ANKRD12: variants seen among roughly 807,000 people sequenced by gnomAD.
ANKRD12 encodes the protein ankyrin repeat domain-containing protein 12.
A neutral mutation model predicts 183.4 loss-of-function variants in ANKRD12; 85 were observed. That is an observed-to-expected ratio of 0.46 (90% CI 0.39 to 0.56). ANKRD12 has a LOEUF of 0.56. Among genes scored for constraint, ANKRD12 ranks in the 20% least tolerant of loss-of-function variants. ANKRD12 has a pLI of 0.00. For synonymous variants in ANKRD12, 914 were observed against 800.2 expected, an observed-to-expected ratio of 1.14 and a Z score of -2.40; for missense variants, 2,405 against 2,357.1, an observed-to-expected ratio of 1.02 and a Z score of -0.42.
chr18:9,261,477 A>C (rs2038962414), intron 9 of ANKRD12, among the ~76,000 whole-genome samples: 1 of 152,220 alleles, frequency 6.6e-6, no homozygotes, highest in Non-Finnish European at 1.5e-5. Flanking sequence ...AAGATTGTAA[A>C]GAATTGTAAG....
intron 1 of ANKRD12, among the ~76,000 whole-genome samples, chr18:9,167,244 TTC>T (rs527245779): frequency 0.013 from 2,034 of 152,322 alleles, 51 homozygotes; most frequent in African/African-American, 0.047. Flanking sequence ...TTTTTTCCAA[TTC>T]TGTGAAGAAA....
At chr18:9,168,685 A>G (rs1235399694) in intron 1 of ANKRD12, among the ~76,000 whole-genome samples, 13 of 151,894 alleles carry the variant, frequency 8.6e-5, no homozygotes, top group African/African-American at 2.7e-4. Context: ...TGGATTCATT[A>G]ATTTTTTGAA....
At chr18:9,280,650 G>A (rs1162053849) in intron 12 of ANKRD12, among the ~76,000 whole-genome samples, 5 of 152,116 alleles carry the variant, frequency 3.3e-5, no homozygotes, top group African/African-American at 1.2e-4. Flanking sequence ...TTAGCTGGGC[G>A]TGGTGGCACA....
chr18:9,256,125 A>G lies in ANKRD12; in HGVS notation c.2858A>G (p.Glu953Gly). 1 of 1,559,896 alleles carries G rather than the reference A, an allele frequency of 6.4e-7. No homozygotes were observed. Among genetic ancestry groups the G allele is most frequent in the East Asian group, 2.3e-5 (1 of 43,840 alleles). ...YSKSEKGKNK[E>G]KDRELDKKEK... Reference sequence around the variant, plus strand: ...AAATCAGAAAAAGGCAAAAATAAAGAAAAAGACAGGGAGCTAGATAAAAAG... The same window carrying G: ...AAATCAGAAAAAGGCAAAAATAAAGGAAAAGACAGGGAGCTAGATAAAAAG... Residue 953 changes from glutamate to glycine, a missense_variant, in exon 9 of 13, where the codon GAA (glutamate) becomes GGA (glycine). By Grantham distance (98) the Glu-to-Gly change is moderately conservative. Around this residue, in one of 7 missense-constraint regions of ANKRD12, gnomAD observed 1,983 missense variants for 1,725.9 expected, o/e 1.15. Coordinates refer to ENST00000262126, the MANE Select transcript of ANKRD12 (RefSeq NM_015208.5).
intron 11 of ANKRD12, among the ~76,000 whole-genome samples, chr18:9,276,711 TCAAAAAAAAA>T (rs1351232429): frequency 6.8e-6 from 1 of 147,444 alleles, no homozygotes; most frequent in African/African-American, 2.5e-5. Flanking sequence ...GGACCCTGTC[TCAAAAAAAAA>T]CAAAAAAAAA....
In ANKRD12 at chr18:9,256,582, A is replaced by G. The variant is rs1237549491; in HGVS notation, c.3315A>G (p.Lys1105=). 18 of 1,597,568 alleles carry G rather than the reference A, an allele frequency of 1.1e-5. No homozygotes were observed. Among genetic ancestry groups the G allele is most frequent in the Non-Finnish European group, 1.4e-5 (17 of 1,176,218 alleles). ...HKKHKEKIKQ[K]EKERLRNRNC... is the part of the protein sequence containing the mutation. ...AACATAAGGAAAAAATTAAGCAAAA[A>G]GAAAAGGAACGGTTGAGAAACCGAA... The change falls in exon 9 of 13, where the codon AAA becomes AAG. Residue 1105 remains lysine, a synonymous_variant. Coordinates refer to ENST00000262126, the MANE Select transcript of ANKRD12 (RefSeq NM_015208.5).
intron 1 of ANKRD12, among the ~76,000 whole-genome samples, chr18:9,157,585 G>GGGTGTATATA (rs1555707921): frequency 1.1e-5 from 1 of 92,706 alleles, no homozygotes; most frequent in African/African-American, 5.3e-5. Context: ...GTGTGTGTGT[G>GGGTGTATATA]TATATATATA....
At position 9,183,062 on chromosome 18, in the gene ANKRD12, A is replaced by G. The variant is rs150416761; in HGVS notation, c.87+543A>G. 6.4e-3 allele frequency among the ~76,000 whole-genome samples: 968 copies of G among 152,296 alleles called. 7 individuals are homozygous for G. The highest frequency in any genetic ancestry group is 0.017 in the Middle Eastern group (5 of 294). On this transcript the variant is annotated intron_variant, in intron 2 of 12. Transcript: ENST00000262126. ...ACGGAGTTGCGCAACCATCATCACA[A>G]TAAGGTTTTAGAACATTGCCATCAT...
At chr18:9,254,174 G>T in intron 8 of ANKRD12, 37 bp from the exon 9 acceptor site, 4 of 1,446,502 alleles carry the variant, frequency 2.8e-6, no homozygotes, top group Non-Finnish European at 3.6e-6. Context: ...GTTGTGTTTT[G>T]TTTGACCCAC....
chr18:9,157,818 A>C (rs553383565), intron 1 of ANKRD12, among the ~76,000 whole-genome samples: 1 of 152,202 alleles, frequency 6.6e-6, no homozygotes, highest in Non-Finnish European at 1.5e-5. Flanking sequence ...TGATTGCCAC[A>C]GCAGAAAAAT....
At chr18:9,204,947 T>C (rs1245646348) in intron 4 of ANKRD12, among the ~76,000 whole-genome samples, 1 of 152,232 alleles carries the variant, frequency 6.6e-6, no homozygotes, top group African/African-American at 2.4e-5. Flanking sequence ...GACAGTGTCA[T>C]CTTACCGTTT....
intron 6 of ANKRD12, among the ~76,000 whole-genome samples, chr18:9,214,851 T>C (rs1426691408): frequency 1.3e-5 from 2 of 152,148 alleles, no homozygotes; most frequent in Non-Finnish European, 2.9e-5. Context: ...AAAACATTCT[T>C]TTATCTCATG....
intron 2 of ANKRD12, 54 bp from the exon 3 acceptor site, chr18:9,195,497 C>A: frequency 7.3e-7 from 1 of 1,368,260 alleles, no homozygotes; most frequent in Non-Finnish European, 9.7e-7. Context: ...GGTTTCTATA[C>A]TGTATTGCTT....
chr18:9,197,399 T>C (rs1002259367), intron 3 of ANKRD12, among the ~76,000 whole-genome samples: 1 of 152,198 alleles, frequency 6.6e-6, no homozygotes, highest in Non-Finnish European at 1.5e-5. Context: ...AAAATTTTGA[T>C]GGATTTAAAA....
chr18:9,159,465 T>C (rs2031085031), intron 1 of ANKRD12, among the ~76,000 whole-genome samples: 1 of 152,164 alleles, frequency 6.6e-6, no homozygotes, highest in South Asian at 2.1e-4. Context: ...GGAGTCTTGC[T>C]CTGTCGCCCA....
chr18:9,235,825 C>T (rs2037314825), intron 8 of ANKRD12: 1 of 374,594 alleles, frequency 2.7e-6, no homozygotes, highest in African/African-American at 2.1e-5. Context: ...TTAAAAGGCT[C>T]ATCAGACTTT....
chr18:9,191,268 C>T (rs1364049075), intron 2 of ANKRD12, among the ~76,000 whole-genome samples: 2 of 152,148 alleles, frequency 1.3e-5, no homozygotes, highest in East Asian at 3.8e-4. Flanking sequence ...TAGAGTATTT[C>T]TACTCTTTGG....
Position 9,182,490 on chromosome 18 carries a change from A to C in ANKRD12, c.58A>C (p.Asn20His). Residue 20 changes from asparagine (N) to histidine (H), a missense_variant, in exon 2 of 13, where the codon AAT (asparagine) becomes CAT (histidine). Transcript: ENST00000262126. ...IQSENSDSDSNMVEKPYGRKS... is the reference protein window; with the variant it reads ...IQSENSDSDSHMVEKPYGRKS... ...GAGTGAAAATTCTGACAGTGACAGC[A>C]ATATGGTAGAGAAACCATATGGAAG... 1 of 1,610,390 alleles carries C rather than the reference A, an allele frequency of 6.2e-7. No individual in the cohort carries two copies. Among genetic ancestry groups the C allele is most frequent in the Non-Finnish European group, 8.5e-7 (1 of 1,178,174 alleles).
At chr18:9,280,567 T>C (rs113461964) in intron 12 of ANKRD12, among the ~76,000 whole-genome samples, 59 of 152,258 alleles carry the variant, frequency 3.9e-4, no homozygotes, top group African/African-American at 1.4e-3. Context: ...CGTGAGCAGA[T>C]CACCTGAGGT....
Sources: gnomAD v4.1 joint callset for allele counts (sites outside exome capture counted in the v4.1 genomes callset) on GRCh38, gnomAD v4.1.1 for gene constraint, gnomAD v4.1.1 regional missense constraint, MANE v1.5 for transcripts, NCBI Gene and HGNC (gene_info 2026-07-23, HGNC 2026-07-21) for gene names.